The following KRT8 variants were observed in gnomAD, a reference collection of about 807,000 sequenced individuals.
KRT8 encodes the protein keratin 8.
A neutral mutation model predicts 43.0 loss-of-function variants in KRT8; 24 were observed. The observed-to-expected ratio is 0.56, with a 90% CI of 0.40 to 0.78. The LOEUF is 0.78. Ranked by LOEUF, KRT8 falls within the 30% of genes least tolerant of loss-of-function variation. KRT8 has a pLI of 0.00. For synonymous variants in KRT8, 214 were observed against 261.2 expected, an observed-to-expected ratio of 0.82 and a Z score of 1.74; for missense variants, 492 against 638.4, an observed-to-expected ratio of 0.77 and a Z score of 2.47.
chr12:52,938,230 A>C (rs182246416), intron 2 of KRT8, among the ~76,000 whole-genome samples: 57 of 135,108 alleles, frequency 4.2e-4, no homozygotes, highest in African/African-American at 1.5e-3. Context: ...GTGCAGGGCC[A>C]TGACCTTAGC....
intron 2 of KRT8, among the ~76,000 whole-genome samples, chr12:52,918,836 C>G (rs1250951550): frequency 6.6e-6 from 1 of 152,154 alleles, no homozygotes; most frequent in Non-Finnish European, 1.5e-5. Flanking sequence ...ACCACCCTCC[C>G]CCATGGAACT....
chr12:52,915,991 T>G (rs1941733037), intron 2 of KRT8, among the ~76,000 whole-genome samples: 1 of 152,140 alleles, frequency 6.6e-6, no homozygotes, highest in Non-Finnish European at 1.5e-5. Context: ...AGAGAGCCCT[T>G]AGATCAAGCT....
chr12:52,938,157 TA>T (rs1565732918), intron 2 of KRT8, among the ~76,000 whole-genome samples: 46 of 34,330 alleles, frequency 1.3e-3, no homozygotes, highest in East Asian at 8.3e-3. Context: ...TATATATATA[TA>T]TATATATATA....
upstream of KRT8, among the ~76,000 whole-genome samples, chr12:52,907,646 A>G (rs942972778): frequency 1.3e-5 from 2 of 152,192 alleles, no homozygotes; most frequent in Non-Finnish European, 2.9e-5. Context: ...AGCCAGGGGA[A>G]GCCCTTTTTT....
chr12:52,929,716 G>A (rs867274239), intron 2 of KRT8, among the ~76,000 whole-genome samples: 3 of 152,222 alleles, frequency 2.0e-5, no homozygotes, highest in Middle Eastern at 3.4e-3. Context: ...AGGGGCACAT[G>A]CATTTGTGAA....
chr12:52,925,714 C>T (rs1203169019), intron 2 of KRT8, among the ~76,000 whole-genome samples: 1 of 152,164 alleles, frequency 6.6e-6, no homozygotes, highest in African/African-American at 2.4e-5. Context: ...CAGGGCTGGG[C>T]AATACTATCA....
At chr12:52,902,034 G>A (rs767641793) in exon 2 of KRT8, 7 of 1,603,076 alleles carry the variant, frequency 4.4e-6, no homozygotes, top group Non-Finnish European at 5.9e-6. Flanking sequence ...GGCTCCACTT[G>A]GTCTCCAGCA....
intron 7 of KRT8, 43 bp downstream of exon 7, chr12:52,898,418 G>A: frequency 6.3e-7 from 1 of 1,575,652 alleles, no homozygotes; most frequent in Non-Finnish European, 8.7e-7. Flanking sequence ...GGCCTCCCTG[G>A]GCCCTGCCTC....
chr12:52,904,844 A>G (rs1225240795), exon 1 of KRT8: 2 of 1,612,654 alleles, frequency 1.2e-6, no homozygotes, highest in Admixed American at 3.3e-5. Context: ...GGCCACCGCG[A>G]AAGTTGCTGC....
intron 2 of KRT8, among the ~76,000 whole-genome samples, chr12:52,940,476 G>T (rs867277490): frequency 1.4e-5 from 2 of 147,268 alleles, no homozygotes; most frequent in South Asian, 2.2e-4. Context: ...ACACAAAAAA[G>T]CTACACACTT....
In KRT8 at chr12:52,901,223, T is replaced by G; in HGVS notation, c.534-4A>C. The G allele has an allele frequency of 6.2e-7, 1 of 1,608,448 alleles. No individual in the cohort carries two copies. Among genetic ancestry groups the G allele is most frequent in the Non-Finnish European group, 8.5e-7 (1 of 1,176,030 alleles). ...CTTATTGATCTCATCCTCATACCTG[T>G]GAGGAAAAGACTTACAATTAGAGGA... is the stretch of plus-strand genomic sequence containing the variant. On this transcript the variant is annotated splice_polypyrimidine_tract_variant and splice_region_variant and intron_variant, in intron 2 of 7. Coordinates refer to ENST00000692008, the Ensembl canonical transcript of KRT8.
At chr12:52,903,591 C>G (rs1941429857) in intron 1 of KRT8, 1 of 152,184 alleles carries the variant, frequency 6.6e-6, no homozygotes, top group East Asian at 1.9e-4. Context: ...CCCGGGGCCC[C>G]TCAGGCAGCG....
intron 2 of KRT8, among the ~76,000 whole-genome samples, chr12:52,935,932 G>A (rs1942162609): frequency 6.6e-6 from 1 of 152,122 alleles, no homozygotes; most frequent in South Asian, 2.1e-4. Context: ...TGAATCATAG[G>A]CCAAAATGTG....
At chr12:52,906,854 C>A (rs780677845), upstream of KRT8, 49 of 442,116 alleles carry the variant, frequency 1.1e-4, no homozygotes, top group Middle Eastern at 6.7e-4. Context: ...AGGAGAGACA[C>A]CCAGGCTCAC....
chr12:52,932,088 C>T (rs557216070), intron 2 of KRT8, among the ~76,000 whole-genome samples: 2 of 147,224 alleles, frequency 1.4e-5, no homozygotes, highest in Non-Finnish European at 3.0e-5. Flanking sequence ...CCTGGTAAAT[C>T]ATTCTTTTTT....
intron 2 of KRT8, chr12:52,926,289 C>T: frequency 1.3e-6 from 1 of 799,112 alleles, no homozygotes. Flanking sequence ...TCAAATTCCT[C>T]ATCTGGTGGC....
At chr12:52,946,462 G>A (rs1942345188) in intron 2 of KRT8, among the ~76,000 whole-genome samples, 2 of 152,138 alleles carry the variant, frequency 1.3e-5, no homozygotes. Flanking sequence ...GCCACCTGAG[G>A]AAATAGACTG....
intron 1 of KRT8, 180 bp from the exon 2 acceptor site, chr12:52,902,252 T>TATCA: frequency 3.3e-6 from 2 of 614,460 alleles, no homozygotes; most frequent in South Asian, 3.8e-5. Flanking sequence ...CATGGCATGA[T>TATCA]GGTGAGGTGG....
intron 2 of KRT8, among the ~76,000 whole-genome samples, chr12:52,913,199 G>A (rs1044637162): frequency 5.9e-5 from 9 of 152,144 alleles, no homozygotes; most frequent in African/African-American, 4.8e-5. Flanking sequence ...AAAGTGAGCC[G>A]CCCCAAGGCC....
Sources: gnomAD v4.1 joint callset for allele counts (sites outside exome capture counted in the v4.1 genomes callset) on GRCh38, gnomAD v4.1.1 for gene constraint, MANE v1.5 for transcripts, NCBI Gene and HGNC (gene_info 2026-07-23, HGNC 2026-07-21) for gene names.